Variants in FHOD3 observed in about 807,000 individuals in gnomAD.
FHOD3 encodes FH1/FH2 domain-containing protein 3.
A neutral mutation model predicts 173.0 loss-of-function variants in FHOD3; 90 were observed. That is an observed-to-expected ratio of 0.52 (90% confidence interval 0.44 to 0.62). FHOD3 has a LOEUF of 0.62. FHOD3 is among the 20% of genes least tolerant of loss of function. The probability of loss-of-function intolerance (pLI) is 0.00; values close to 1 mark genes in which losing one functional copy is unlikely to be tolerated. For missense variants in FHOD3, 1,945 were observed against 2,034.7 expected (o/e 0.96, Z 0.85); for synonymous variants, 828 against 823.0 (o/e 1.01, Z -0.10).
At chr18:36,529,110 C>T (rs991741339) in intron 5 of FHOD3, among the ~76,000 whole-genome samples, 3 of 152,196 alleles carry the variant, frequency 2.0e-5, no homozygotes, top group African/African-American at 7.2e-5. Flanking sequence ...GTTGGTGATG[C>T]ATGTACTGGT....
intron 27 of FHOD3, among the ~76,000 whole-genome samples, chr18:36,768,253 G>A (rs895049094): frequency 6.6e-6 from 1 of 152,192 alleles, no homozygotes; most frequent in Non-Finnish European, 1.5e-5. Flanking sequence ...CAAGAAAGCT[G>A]ATCAATTACA....
intron 3 of FHOD3, among the ~76,000 whole-genome samples, chr18:36,427,950 GT>G (rs1282628924): frequency 6.6e-6 from 1 of 152,162 alleles, no homozygotes; most frequent in Non-Finnish European, 1.5e-5. Flanking sequence ...TACAAAATAG[GT>G]TTTGAACAAG....
chr18:36,717,710 G>A, intron 18 of FHOD3, 122 bp from the exon 19 acceptor site: 2 of 1,446,282 alleles, frequency 1.4e-6, no homozygotes, highest in Non-Finnish European at 1.8e-6. Flanking sequence ...GGCTTTGACT[G>A]CTCATGCAGT....
chr18:36,324,230 T>A lies in FHOD3; in HGVS notation c.165+26230T>A, dbSNP rs188592865. Among the ~76,000 whole-genome samples, 11 of 152,322 alleles carry A rather than the reference T, an allele frequency of 7.2e-5. No individual in the cohort carries two copies. The East Asian group carries it at 2.1e-3, about 29-fold the overall frequency. ...TGTTGCAGTATGTACAAAACTCAATTCCAGATGAATCATTGACTTAAAGGT... is the reference window on the plus strand; with the variant it reads ...TGTTGCAGTATGTACAAAACTCAATACCAGATGAATCATTGACTTAAAGGT... On this transcript the variant is annotated intron_variant, in intron 1 of 28. Transcript: ENST00000590592.
In FHOD3 at chr18:36,604,209, C is replaced by T. The variant is rs80107844; in HGVS notation, c.813+1441C>T. 1.1e-3 allele frequency among the ~76,000 whole-genome samples: 165 copies of T among 152,292 alleles called. 1 individual carries two copies. The East Asian group carries it at 0.018, about 17-fold the overall frequency. ...AGCCACCCCATGGGCCTTCCTTGTA[C>T]TCTCCTTACACGCTCATGCTGGGTG... On this transcript the variant is annotated intron_variant, in intron 8 of 28. Coordinates refer to ENST00000590592, the MANE Select transcript of FHOD3 (RefSeq NM_001281740.3).
At chr18:36,641,155 G>A (rs9949028) in intron 10 of FHOD3, among the ~76,000 whole-genome samples, 10,788 of 151,902 alleles carry the variant, frequency 0.071, 665 homozygotes, top group East Asian at 0.24. Context: ...CTTATTGGAT[G>A]TCCCTTGGAG....
intron 5 of FHOD3, among the ~76,000 whole-genome samples, chr18:36,528,547 C>A (rs1463189889): frequency 6.6e-6 from 1 of 152,168 alleles, no homozygotes; most frequent in Non-Finnish European, 1.5e-5. Context: ...TTCAAGGTGA[C>A]AACCTGGATA....
intron 3 of FHOD3, among the ~76,000 whole-genome samples, chr18:36,494,309 C>T (rs963736605): frequency 6.6e-6 from 1 of 152,170 alleles, no homozygotes; most frequent in African/African-American, 2.4e-5. Context: ...AGCTAGTTTA[C>T]AGCATAATAC....
At chr18:36,759,051 G>A (rs2042755873) in intron 25 of FHOD3, 67 bp from the exon 26 acceptor site, 1 of 1,503,278 alleles carries the variant, frequency 6.7e-7, no homozygotes. Context: ...TCTTTTTGCT[G>A]ACTTCTGTGC....
chr18:36,627,499 A>G (rs1324395007), intron 10 of FHOD3, among the ~76,000 whole-genome samples: 1 of 152,188 alleles, frequency 6.6e-6, no homozygotes, highest in African/African-American at 2.4e-5. Flanking sequence ...GCTCGGTAGG[A>G]TCTGAAACAG....
intron 3 of FHOD3, among the ~76,000 whole-genome samples, chr18:36,399,196 G>A (rs1293991046): frequency 1.3e-5 from 2 of 152,160 alleles, no homozygotes; most frequent in Non-Finnish European, 2.9e-5. Flanking sequence ...TGTAGCTCAG[G>A]TGCTTCTCCT....
chr18:36,662,349 C>G (rs1274274677), intron 14 of FHOD3, among the ~76,000 whole-genome samples: 1 of 152,126 alleles, frequency 6.6e-6, no homozygotes, highest in East Asian at 1.9e-4. Context: ...ACTGTGAGTG[C>G]TCAGTGGGAA....
chr18:36,342,051 A>G (rs2045649954), intron 1 of FHOD3, among the ~76,000 whole-genome samples: 1 of 152,224 alleles, frequency 6.6e-6, no homozygotes, highest in Admixed American at 6.5e-5. Context: ...TAAATAATCA[A>G]ATGGAAATTT....
At position 36,585,550 on chromosome 18, in the gene FHOD3, G is replaced by A. The variant is rs576504434; in HGVS notation, c.606+9005G>A. ...CAGGCCTCAAAGAGGGCAGCAGGCT[G>A]AGGGGGCCCCACTGTCCAGACAGGT... On this transcript the variant is annotated intron_variant, in intron 6 of 28. Transcript: ENST00000590592. 6.6e-5 allele frequency among the ~76,000 whole-genome samples: 10 copies of A among 152,292 alleles called. No homozygotes were observed. The South Asian group carries it at 1.9e-3, about 28-fold the overall frequency.
chr18:36,510,710 GGA>G (rs1411606132), intron 4 of FHOD3, among the ~76,000 whole-genome samples: 2 of 152,168 alleles, frequency 1.3e-5, no homozygotes, highest in African/African-American at 2.4e-5. Flanking sequence ...GGATATGGAG[GGA>G]GAGAGAATTA....
chr18:36,366,286 G>A (rs1173170296), intron 2 of FHOD3, among the ~76,000 whole-genome samples: 1 of 152,136 alleles, frequency 6.6e-6, no homozygotes. Flanking sequence ...AATGAGAAGA[G>A]GCAGACAAAA....
intron 14 of FHOD3, among the ~76,000 whole-genome samples, chr18:36,666,972 T>G (rs2037222576): frequency 6.6e-6 from 1 of 152,216 alleles, no homozygotes; most frequent in South Asian, 2.1e-4. Flanking sequence ...TAGATTCATT[T>G]GCATGTGTGT....
intron 5 of FHOD3, among the ~76,000 whole-genome samples, chr18:36,541,327 C>T (rs369834495): frequency 3.0e-4 from 45 of 151,538 alleles, no homozygotes; most frequent in East Asian, 2.1e-3. Context: ...GCCTGTAATC[C>T]CAGCACTTTC....
At chr18:36,732,734 C>T (rs1413754497) in intron 20 of FHOD3, among the ~76,000 whole-genome samples, 1 of 152,146 alleles carries the variant, frequency 6.6e-6, no homozygotes, top group South Asian at 2.1e-4. Flanking sequence ...CAGGAAGGGG[C>T]AGGCCAGGCC....
Sources: allele counts gnomAD v4.1 joint callset (sites outside exome capture counted in the v4.1 genomes callset), GRCh38; gene constraint gnomAD v4.1.1; transcripts MANE v1.5; gene names NCBI Gene and HGNC (gene_info 2026-07-23, HGNC 2026-07-21).